GRM7: variants seen among roughly 807,000 people sequenced by gnomAD.
The protein encoded by GRM7 is metabotropic glutamate receptor 7.
Under a neutral mutation model 84.5 loss-of-function variants are expected in GRM7, and 35 were observed. That is an observed-to-expected ratio of 0.41 (90% CI 0.32 to 0.55). The LOEUF (loss-of-function observed/expected upper bound fraction) is 0.55, where lower values mean the gene tolerates loss of function less well. Ranked by LOEUF, GRM7 falls within the 20% of genes least tolerant of loss-of-function variation. The pLI, the probability that GRM7 is intolerant of heterozygous loss-of-function variation, is 0.19. For missense variants in GRM7, 1,003 were observed against 1,194.6 expected, an observed-to-expected ratio of 0.84 and a Z score of 2.36; for synonymous variants, 487 against 455.1, an observed-to-expected ratio of 1.07 and a Z score of -0.89.
chr3:7,586,696 T>C (rs1346454515), intron 8 of GRM7, among the ~76,000 whole-genome samples: 4 of 152,064 alleles, frequency 2.6e-5, no homozygotes, highest in Non-Finnish European at 5.9e-5. Flanking sequence ...TAAACCCAGC[T>C]ACTTGGGAGG....
intron 7 of GRM7, among the ~76,000 whole-genome samples, chr3:7,485,498 T>C (rs941642182): frequency 1.3e-5 from 2 of 152,256 alleles, no homozygotes; most frequent in African/African-American, 2.4e-5. Context: ...GATCTGTTGA[T>C]AATAGCTTTA....
chr3:7,700,009 A>G (rs1165308277), intron 9 of GRM7, among the ~76,000 whole-genome samples: 2 of 152,156 alleles, frequency 1.3e-5, no homozygotes, highest in African/African-American at 4.8e-5. Flanking sequence ...ACTGGGTGAG[A>G]TGGCACAAGC....
intron 3 of GRM7, among the ~76,000 whole-genome samples, chr3:7,303,657 T>C (rs1197756367): frequency 1.3e-5 from 2 of 152,098 alleles, no homozygotes; most frequent in Non-Finnish European, 2.9e-5. Flanking sequence ...GTCTTCATAC[T>C]TTCATTGTTA....
In GRM7 at chr3:7,064,463, CATAT is replaced by C. The variant is rs745409093; in HGVS notation, c.520-81975_520-81972del. 4.6e-5 allele frequency among the ~76,000 whole-genome samples: 4 copies of C among 87,358 alleles called. 1 individual carries two copies. Among genetic ancestry groups the C allele is most frequent in the Non-Finnish European group, 9.3e-5 (4 of 43,048 alleles). 57.3% of individuals were successfully genotyped at this position (87,358 alleles called of 152,430 possible). A position where few individuals can be genotyped will look rare whatever the true frequency, so the allele number is the denominator to read the frequency against. ...ATTCCCTCATGTATGGATATATATA[CATAT>C]ATATATATATATACACACATATACA... On this transcript the variant is annotated intron_variant, in intron 1 of 9. Coordinates refer to ENST00000357716, the MANE Select transcript of GRM7 (RefSeq NM_000844.4).
At chr3:7,230,951 A>T (rs2124899879) in intron 2 of GRM7, among the ~76,000 whole-genome samples, 1 of 152,348 alleles carries the variant, frequency 6.6e-6, no homozygotes, top group African/African-American at 2.4e-5. Flanking sequence ...CACCAGAAAC[A>T]GCATTCATAC....
chr3:7,483,632 G>A (rs1021598443), intron 7 of GRM7, among the ~76,000 whole-genome samples: 8 of 152,158 alleles, frequency 5.3e-5, no homozygotes, highest in African/African-American at 1.7e-4. Context: ...ATTATAATTA[G>A]GGAAGCAATA....
At chr3:6,896,140 G>A (rs1696173770) in intron 1 of GRM7, among the ~76,000 whole-genome samples, 1 of 152,132 alleles carries the variant, frequency 6.6e-6, no homozygotes, top group Non-Finnish European at 1.5e-5. Flanking sequence ...TAGTTTGGAA[G>A]CCATTCCAAA....
At chr3:7,161,293 T>C (rs1487974890) in intron 2 of GRM7, among the ~76,000 whole-genome samples, 2 of 152,036 alleles carry the variant, frequency 1.3e-5, no homozygotes, top group Non-Finnish European at 2.9e-5. Context: ...ATAAACAAAT[T>C]GGGGCCATTT....
chr3:7,556,811 G>A (rs1265200090), intron 7 of GRM7, among the ~76,000 whole-genome samples: 2 of 152,124 alleles, frequency 1.3e-5, no homozygotes, highest in Non-Finnish European at 2.9e-5. Flanking sequence ...AAGTGACTGA[G>A]GCATTGAAGG....
At chr3:6,897,227 A>G (rs769225012) in intron 1 of GRM7, among the ~76,000 whole-genome samples, 11 of 152,188 alleles carry the variant, frequency 7.2e-5, no homozygotes, top group Non-Finnish European at 1.6e-4. Context: ...TGTGTATGGG[A>G]AGCAGTACTG....
chr3:7,474,922 T>C (rs541772892), intron 7 of GRM7, among the ~76,000 whole-genome samples: 103 of 152,310 alleles, frequency 6.8e-4, no homozygotes, highest in African/African-American at 2.5e-3. Context: ...AGGAATGATT[T>C]TGTAAATTGT....
At chr3:7,491,490 T>C (rs1343458511) in intron 7 of GRM7, among the ~76,000 whole-genome samples, 1 of 152,134 alleles carries the variant, frequency 6.6e-6, no homozygotes, top group Non-Finnish European at 1.5e-5. Context: ...GTAATTTGCA[T>C]AAAATATTTG....
At chr3:6,884,443 G>A (rs1695619452) in intron 1 of GRM7, 1 of 152,226 alleles carries the variant, frequency 6.6e-6, no homozygotes. Flanking sequence ...CAATATATTA[G>A]GACAGTTTTA....
chr3:7,197,113 A>T (rs1475619040), intron 2 of GRM7, among the ~76,000 whole-genome samples: 1 of 152,160 alleles, frequency 6.6e-6, no homozygotes, highest in Non-Finnish European at 1.5e-5. Flanking sequence ...AGGAAGTAGG[A>T]CAAGATGATT....
At chr3:7,646,772 G>T (rs1478568580) in intron 8 of GRM7, among the ~76,000 whole-genome samples, 1 of 152,150 alleles carries the variant, frequency 6.6e-6, no homozygotes, top group Non-Finnish European at 1.5e-5. Flanking sequence ...ATAATGAATG[G>T]CTCTGGATTG....
intron 2 of GRM7, among the ~76,000 whole-genome samples, chr3:7,297,017 T>C (rs979758207): frequency 6.6e-6 from 1 of 152,112 alleles, no homozygotes; most frequent in African/African-American, 2.4e-5. Flanking sequence ...ATTTTTGCTT[T>C]ACCTTTTATT....
At chr3:7,138,676 T>C (rs1277091617) in intron 1 of GRM7, among the ~76,000 whole-genome samples, 4 of 151,914 alleles carry the variant, frequency 2.6e-5, no homozygotes, top group Admixed American at 6.6e-5. Context: ...GTTTAGTTTT[T>C]TTTCACAATT....
At chr3:7,241,191 C>T (rs565908246) in intron 2 of GRM7, among the ~76,000 whole-genome samples, 2 of 152,226 alleles carry the variant, frequency 1.3e-5, no homozygotes, top group African/African-American at 4.8e-5. Context: ...GTGAGGCAGC[C>T]TTATTCAATG....
At chr3:7,345,975 A>G (rs899799173) in intron 4 of GRM7, among the ~76,000 whole-genome samples, 1 of 152,182 alleles carries the variant, frequency 6.6e-6, no homozygotes, top group Non-Finnish European at 1.5e-5. Flanking sequence ...ATCATAAACT[A>G]TGAATCAAAC....
Sources: gnomAD v4.1 joint callset for allele counts (sites outside exome capture counted in the v4.1 genomes callset) on GRCh38, gnomAD v4.1.1 for gene constraint, MANE v1.5 for transcripts, NCBI Gene and HGNC (gene_info 2026-07-23, HGNC 2026-07-21) for gene names.